AEBP1: variants seen among roughly 807,000 people sequenced by gnomAD.
The protein encoded by AEBP1 is adipocyte enhancer-binding protein 1.
A neutral mutation model predicts 116.5 loss-of-function variants in AEBP1; 69 were observed. That is an observed-to-expected ratio of 0.59 (90% CI 0.49 to 0.72). The LOEUF (loss-of-function observed/expected upper bound fraction) is 0.72, where lower values mean the gene tolerates loss of function less well. Ranked by LOEUF, AEBP1 falls within the 30% of genes least tolerant of loss-of-function variation. AEBP1 has a pLI of 0.00. For synonymous variants in AEBP1, 627 were observed against 627.3 expected (o/e 1.00, Z 0.01); for missense variants, 1,444 against 1,557.5 (o/e 0.93, Z 1.23).
At position 44,107,991 on chromosome 7, in the gene AEBP1, C is replaced by T. The variant is rs1477238328; in HGVS notation, c.863-16C>T. On this transcript the variant is annotated splice_polypyrimidine_tract_variant and intron_variant, in intron 5 of 20. Coordinates refer to ENST00000223357, the MANE Select transcript of AEBP1 (RefSeq NM_001129.5). This position sits in a 1 kb window ranked among gnomAD's most constrained non-coding sequence, Gnocchi z 4.3. ...CACGGCGCTCTGGCCCCCTCCTAAC[C>T]TCCCCGCCTCCCCAGAGCCTCCTGT... 6.4e-6 allele frequency: 10 copies of T among 1,572,262 alleles called. No homozygotes were observed. In the African/African-American group the frequency reaches 1.2e-4, roughly 19 times the overall value.
chr7:44,114,056 C>CA lies in AEBP1; in HGVS notation c.3273dup (p.Glu1092ArgfsTer19). 1 of 1,614,140 alleles carries CA rather than the reference C, an allele frequency of 6.2e-7. No individual in the cohort carries two copies. Among genetic ancestry groups the CA allele is most frequent in the African/African-American group, 1.3e-5 (1 of 75,014 alleles). On this transcript the variant is annotated frameshift_variant, in exon 21 of 21. Transcript: ENST00000223357. LOFTEE classifies it low-confidence loss of function (END_TRUNC). ...ACTGAGACCTACACAGAGGTGGTGA[C>CA]AGAGTTTGGGACCGAGGTGGAGCCC...
intron 1 of AEBP1, 57 bp from the exon 2 acceptor site, chr7:44,106,489 C>T: frequency 6.7e-7 from 1 of 1,503,104 alleles, no homozygotes; most frequent in Non-Finnish European, 8.9e-7. Flanking sequence ...AGAGAGGGGC[C>T]TCATGGGGGC....
chr7:44,109,756 G>A, intron 9 of AEBP1: 1 of 579,760 alleles, frequency 1.7e-6, no homozygotes, highest in Admixed American at 3.0e-5. Flanking sequence ...AGCTGGGCAT[G>A]GTCAGCCCGT....
chr7:44,113,077 C>G lies in AEBP1; in HGVS notation c.2656C>G (p.Leu886Val), dbSNP rs748511270. Reference protein sequence around the residue: ...GCDKFPHESELPREWENNKEA... With the variant: ...GCDKFPHESEVPREWENNKEA... Reference sequence around the variant, plus strand: ...TGACAAGTTCCCTCATGAGAGTGAGCTGCCCCGCGAGTGGGAGAACAACAA... The same window carrying G: ...TGACAAGTTCCCTCATGAGAGTGAGGTGCCCCGCGAGTGGGAGAACAACAA... The change falls in exon 19 of 21, where the codon CTG (leucine) becomes GTG (valine). Residue 886 changes from leucine to valine, a missense_variant. By Grantham distance (32) the Leu-to-Val change is conservative (BLOSUM62 1). Transcript: ENST00000223357. This position sits in a 1 kb window ranked among gnomAD's most constrained non-coding sequence, Gnocchi z 5.3. 3.1e-6 allele frequency: 5 copies of G among 1,614,118 alleles called. No homozygotes were observed. Among genetic ancestry groups the G allele is most frequent in the Non-Finnish European group, 4.2e-6 (5 of 1,180,018 alleles).
Position 44,109,147 on chromosome 7 carries a change from C to T in AEBP1, c.1059C>T (p.Thr353=), listed in dbSNP as rs773837826. The T allele has an allele frequency of 1.1e-5, 17 of 1,613,558 alleles. No homozygotes were observed. The highest frequency in any genetic ancestry group is 4.4e-5 in the South Asian group (4 of 91,078). ...AGGACAGCAGCCCCAAGGAGGAGAC[C>T]GACAAGTGGGCAGTGGAGAAGGGCA... ...KKEDSSPKEE[T]DKWAVEKGKD... The change falls in exon 8 of 21, where the codon ACC becomes ACT. Residue 353 remains threonine, a synonymous_variant. Transcript: ENST00000223357.
rs764510973 is a variant in AEBP1 at position 44,106,853 on chromosome 7, C to T, written c.561C>T (p.Pro187=). The T allele has an allele frequency of 1.3e-6, 2 of 1,598,346 alleles. No homozygotes were observed. The highest frequency in any genetic ancestry group is 1.7e-6 in the Non-Finnish European group (2 of 1,173,918). The change falls in exon 2 of 21, where the codon CCC becomes CCT. Residue 187 remains proline, a synonymous_variant. Coordinates refer to ENST00000223357, the MANE Select transcript of AEBP1 (RefSeq NM_001129.5). The stretch of plus-strand genomic sequence containing the variant: ...TGGAGTGGCCACTGCCCCCACCCCC[C>T]AGCCCTGGCCCCGAGGAGCTACCCC... ...ETLEWPLPPP[P]SPGPEELPQE...
rs1483386411 is a variant in AEBP1 at position 44,110,119 on chromosome 7, A to G, written c.1255A>G (p.Met419Val). The stretch of plus-strand genomic sequence containing the variant: ...GGGGGCACAGCGCGGCCGGCTCAAC[A>G]TGCAGGTGGGCATTGGGATGGGCCC... ...GLGAQRGRLN[M>V]QTGATEDDYY... is the part of the protein sequence containing the mutation. Residue 419 changes from methionine (M) to valine (V), a missense_variant, in exon 10 of 21, where the codon ATG (methionine) becomes GTG (valine). Physicochemically the swap from Met to Val is conservative, Grantham distance 21. Transcript: ENST00000223357. 15 of 1,613,092 alleles carry G rather than the reference A, an allele frequency of 9.3e-6. No homozygotes were observed. The highest frequency in any genetic ancestry group is 1.0e-5 in the Non-Finnish European group (12 of 1,179,972).
chr7:44,104,539 C>T lies in AEBP1; in HGVS notation c.-127C>T, dbSNP rs1406251582. ...CCCTTTCCCGGATTCCCTCGCTCAC[C>T]CCATCCTCTCTCCCGCCCCTTCCTG... On this transcript the variant is annotated 5_prime_UTR_variant, in exon 1 of 21. Transcript: ENST00000223357. 1.6e-6 allele frequency: 1 copy of T among 613,742 alleles called. No homozygotes were observed. The allele number at this position is 613,742 out of a possible 1,614,324, so 38.0% of individuals were successfully genotyped here. A position where few individuals can be genotyped will look rare whatever the true frequency, so the allele number is the denominator to read the frequency against.
chr7:44,111,767 C>T lies in AEBP1; in HGVS notation c.1841-87C>T. On this transcript the variant is annotated intron_variant, in intron 15 of 20. Transcript: ENST00000223357. The surrounding 1 kb of genome is among the most constrained non-coding windows in gnomAD (Gnocchi z 4.7). The stretch of plus-strand genomic sequence containing the variant: ...TAGGAGCCCCAGCTGTCCCCCAGAC[C>T]CTCGGGTATGAGGTGGGTCTGGGTC... 6.5e-7 allele frequency: 1 copy of T among 1,532,966 alleles called. No homozygotes were observed. Among genetic ancestry groups the T allele is most frequent in the Middle Eastern group, 1.8e-4 (1 of 5,622 alleles). 95.0% of individuals were successfully genotyped at this position (1,532,966 alleles called of 1,614,324 possible).
At chr7:44,105,007 C>A in intron 1 of AEBP1, 89 bp downstream of exon 1, 2 of 1,109,232 alleles carry the variant, frequency 1.8e-6, no homozygotes, top group Non-Finnish European at 2.5e-6. Context: ...ACTCCCCAGT[C>A]TGCTAGGGGA....
intron 9 of AEBP1, chr7:44,109,753 C>T: frequency 3.5e-6 from 2 of 578,418 alleles, no homozygotes; most frequent in Non-Finnish European, 3.1e-6. Context: ...GAGAGCTGGG[C>T]ATGGTCAGCC....
chr7:44,113,809 CG>C lies in AEBP1; in HGVS notation c.3026del (p.Arg1009ProfsTer3). On this transcript the variant is annotated frameshift_variant, in exon 21 of 21. Coordinates refer to ENST00000223357, the MANE Select transcript of AEBP1 (RefSeq NM_001129.5). LOFTEE classifies it low-confidence loss of function (END_TRUNC). This position sits in a 1 kb window ranked among gnomAD's most constrained non-coding sequence, Gnocchi z 5.3. ...GCCTATCCCACACATAGACCCATCG[CG>C]CCCTATGACCCCCCAACAGCGACGC... Reference protein sequence around the residue: ...NRPIPHIDPSRPMTPQQRRLQ... With the variant: ...NRPIPHIDPSXPMTPQQRRLQ... The C allele has an allele frequency of 6.2e-7, 1 of 1,614,082 alleles. No homozygotes were observed. The highest frequency in any genetic ancestry group is 8.5e-7 in the Non-Finnish European group (1 of 1,180,004).
Position 44,114,183 on chromosome 7 carries a change from AGAG to A in AEBP1, c.3406_3408del (p.Glu1136del), listed in dbSNP as rs755922842. On this transcript the variant is annotated inframe_deletion, in exon 21 of 21. Transcript: ENST00000223357. The stretch of plus-strand genomic sequence containing the variant: ...TTGAGGAAGAGGAGGAGGAGGAGAA[AGAG>A]GAGGAGATAGCCACTGGCCAGGCAT... 4.0e-5 allele frequency: 65 copies of A among 1,613,838 alleles called. No individual in the cohort carries two copies. The highest frequency in any genetic ancestry group is 4.9e-5 in the Non-Finnish European group (58 of 1,179,976).
chr7:44,106,344 C>A (rs2096222886), intron 1 of AEBP1: 1 of 719,864 alleles, frequency 1.4e-6, no homozygotes, highest in Non-Finnish European at 2.5e-6. Flanking sequence ...GATTGGTGGT[C>A]ACAGCCCCAG....
chr7:44,107,859 A>G lies in AEBP1; in HGVS notation c.790A>G (p.Arg264Gly), dbSNP rs748935568. 5.0e-6 allele frequency: 8 copies of G among 1,609,238 alleles called. No individual in the cohort carries two copies. The East Asian group carries it at 1.8e-4, about 36-fold the overall frequency. Reference sequence around the variant, plus strand: ...ACCCAGGCCACCCCCAAGCAGAAGGAGGAGGCCCGAGCGGGTCTGGCCAGA... The same window carrying G: ...ACCCAGGCCACCCCCAAGCAGAAGGGGGAGGCCCGAGCGGGTCTGGCCAGA... The part of the protein sequence containing the change: ...KQPRPPPSRR[R>G]RPERVWPEPP... The change falls in exon 5 of 21, where the codon AGG (arginine) becomes GGG (glycine). Residue 264 changes from arginine to glycine, a missense_variant. Physicochemically the swap from Arg to Gly is moderately radical, Grantham distance 125. Transcript: ENST00000223357. The surrounding 1 kb of genome is among the most constrained non-coding windows in gnomAD (Gnocchi z 4.3).
rs2096223947 is a variant in AEBP1, at chr7:44,107,322, C to T, written c.596-117C>T. On this transcript the variant is annotated intron_variant, in intron 2 of 20. Transcript: ENST00000223357. This position sits in a 1 kb window ranked among gnomAD's most constrained non-coding sequence, Gnocchi z 4.3. ...CAGGCCTCCTTGGAGTGAGCTCGGCCTCAGGAGGGTGTCCACAGGCTCTGT... is the reference window on the plus strand; with the variant it reads ...CAGGCCTCCTTGGAGTGAGCTCGGCTTCAGGAGGGTGTCCACAGGCTCTGT... 9.7e-7 allele frequency: 1 copy of T among 1,025,970 alleles called. No homozygotes were observed. Among genetic ancestry groups the T allele is most frequent in the Non-Finnish European group, 1.5e-6 (1 of 672,858 alleles). 63.6% of individuals were successfully genotyped at this position (1,025,970 alleles called of 1,614,324 possible).
intron 11 of AEBP1, 97 bp from the exon 12 acceptor site, chr7:44,110,628 A>T: frequency 8.5e-7 from 1 of 1,182,618 alleles, no homozygotes; most frequent in Admixed American, 2.3e-5. Flanking sequence ...CCACCCTGCT[A>T]GCTCTTAAAT....
Position 44,111,932 on chromosome 7 carries a change from A to G in AEBP1, c.1919A>G (p.Gln640Arg). 3.7e-6 allele frequency: 6 copies of G among 1,613,720 alleles called. No individual in the cohort carries two copies. The highest frequency in any genetic ancestry group is 5.1e-6 in the Non-Finnish European group (6 of 1,179,906). ...CGAGAGCTGTTGCTGCTGCTCATGCAGTACCTGTGCCGAGAGTACCGCGAT... is the reference window on the plus strand; with the variant it reads ...CGAGAGCTGTTGCTGCTGCTCATGCGGTACCTGTGCCGAGAGTACCGCGAT... Reference protein sequence around the residue: ...LGRELLLLLMQYLCREYRDGN... With the variant: ...LGRELLLLLMRYLCREYRDGN... Residue 640 changes from glutamine to arginine, a missense_variant, in exon 16 of 21, where the codon CAG (glutamine) becomes CGG (arginine). By Grantham distance (43) the Gln-to-Arg change is conservative. Transcript: ENST00000223357. The surrounding 1 kb of genome is among the most constrained non-coding windows in gnomAD (Gnocchi z 4.7).
At position 44,114,107 on chromosome 7, in the gene AEBP1, A is replaced by G. The variant is rs770349345; in HGVS notation, c.3323A>G (p.Glu1108Gly). ...EPEFGTKVEP[E>G]FETQLEPEFE... The stretch of plus-strand genomic sequence containing the variant: ...GAGTTTGGGACCAAGGTGGAGCCCG[A>G]GTTTGAGACCCAGTTGGAGCCTGAG... The change falls in exon 21 of 21, where the codon GAG becomes GGG. Residue 1108 changes from glutamate (E) to glycine (G), a missense_variant. Glu to Gly is a moderately conservative substitution (Grantham distance 98). Transcript: ENST00000223357. 6.2e-7 allele frequency: 1 copy of G among 1,613,872 alleles called. No individual in the cohort carries two copies. The highest frequency in any genetic ancestry group is 8.5e-7 in the Non-Finnish European group (1 of 1,180,000).
Sources: gnomAD v4.1 joint callset for allele counts on GRCh38, gnomAD v4.1.1 for gene constraint, Gnocchi (gnomAD v3.1) non-coding constraint, MANE v1.5 for transcripts, NCBI Gene and HGNC (gene_info 2026-07-23, HGNC 2026-07-21) for gene names.